Variants in CAMK2B observed in about 807,000 individuals in gnomAD.
CAMK2B encodes the protein calcium/calmodulin dependent protein kinase II beta.
Under a neutral mutation model 93.7 loss-of-function variants are expected in CAMK2B, and 27 were observed. The ratio of observed to expected loss-of-function variants is 0.29; its 90% CI spans 0.21 to 0.40. The LOEUF (loss-of-function observed/expected upper bound fraction) is 0.40, where lower values mean the gene tolerates loss of function less well. CAMK2B is among the 10% of genes least tolerant of loss of function. CAMK2B has a pLI of 1.00. For synonymous variants in CAMK2B, 374 were observed against 358.8 expected (o/e 1.04, Z -0.48); for missense variants, 568 against 895.8 (o/e 0.63, Z 4.67).
chr7:44,228,807 A>T lies in CAMK2B; in HGVS notation c.1457T>A (p.Leu486Gln). The T allele has an allele frequency of 6.6e-7, 1 of 1,505,930 alleles. No individual in the cohort carries two copies. The highest frequency in any genetic ancestry group is 1.3e-5 in the South Asian group (1 of 75,076). The allele number at this position is 1,505,930 out of a possible 1,614,324, so 93.3% of individuals were successfully genotyped here. A position where few individuals can be genotyped will look rare whatever the true frequency, so the allele number is the denominator to read the frequency against. Residue 486 changes from leucine (L) to glutamine (Q), a missense_variant, in exon 19 of 24, where the codon CTG becomes CAG. This residue lies in a region of CAMK2B where 308 missense variants were observed against 292.1 expected (regional missense o/e 1.05). Transcript: ENST00000395749. ...GGGCCACTACTTACACGGGGAGGAC[A>T]GGGGGCCTAGGAGAGCCGGAGACAG... ...PCLSPALLGP[L>Q]SSPSPRISDI...
chr7:44,232,570 G>A lies in CAMK2B; in HGVS notation c.1176+252C>T, dbSNP rs370742868. 2.0e-3 allele frequency among the ~76,000 whole-genome samples: 305 copies of A among 152,320 alleles called. 2 individuals are homozygous for A. The highest frequency in any genetic ancestry group is 6.9e-3 in the African/African-American group (285 of 41,558). On this transcript the variant is annotated intron_variant, in intron 16 of 23. Transcript: ENST00000395749. ...CGTAGGTGGGACACGCAGAGCCCTGGTCTGAGAGTGTCGGCCACATGGGGA... is the reference window on the plus strand; with the variant it reads ...CGTAGGTGGGACACGCAGAGCCCTGATCTGAGAGTGTCGGCCACATGGGGA...
At chr7:44,231,244 C>T (rs979640688) in intron 16 of CAMK2B, among the ~76,000 whole-genome samples, 190 bp from the exon 17 acceptor site, 4 of 152,198 alleles carry the variant, frequency 2.6e-5, no homozygotes, top group Non-Finnish European at 5.9e-5. Flanking sequence ...GGCTGCAGGG[C>T]CCCAGCTCTG....
At chr7:44,274,733 G>A (rs1038348438) in intron 2 of CAMK2B, among the ~76,000 whole-genome samples, 1 of 152,240 alleles carries the variant, frequency 6.6e-6, no homozygotes, top group African/African-American at 2.4e-5. Context: ...GGCCTGGAGG[G>A]AGCAAGGGGC....
intron 13 of CAMK2B, 123 bp downstream of exon 13, chr7:44,239,466 C>G (rs996552804): frequency 9.8e-5 from 80 of 817,868 alleles, no homozygotes; most frequent in Non-Finnish European, 1.5e-4. Flanking sequence ...CAGGGGCTCC[C>G]GGGGGCCTGG....
At chr7:44,319,061 T>G (rs1795450412) in intron 1 of CAMK2B, among the ~76,000 whole-genome samples, 1 of 152,230 alleles carries the variant, frequency 6.6e-6, no homozygotes, top group African/African-American at 2.4e-5. Flanking sequence ...ATATGATAAT[T>G]TTTTAAAAAC....
chr7:44,237,518 C>T (rs1422594651), intron 13 of CAMK2B, among the ~76,000 whole-genome samples: 1 of 152,350 alleles, frequency 6.6e-6, no homozygotes, highest in African/African-American at 2.4e-5. Context: ...AAAACAATCG[C>T]TTGTGCACGC....
intron 1 of CAMK2B, among the ~76,000 whole-genome samples, chr7:44,297,201 G>A (rs1242990298): frequency 1.3e-5 from 2 of 152,132 alleles, no homozygotes; most frequent in South Asian, 2.1e-4. Flanking sequence ...CACTACATGC[G>A]AAATGGTGTA....
In CAMK2B at chr7:44,224,392, G is replaced by T. The variant is rs974828066; in HGVS notation, c.1597+2124C>A. Among the ~76,000 whole-genome samples the T allele has an allele frequency of 6.6e-6, 1 of 152,228 alleles. No homozygotes were observed. The highest frequency in any genetic ancestry group is 1.9e-4 in the East Asian group (1 of 5,194). ...GGGGGCCCAACATGAAGAGGTGCCC[G>T]GGTCGGGAAACCTGCTGGCTGAGGA... On this transcript the variant is annotated intron_variant, in intron 20 of 23. Transcript: ENST00000395749. This position sits in a 1 kb window ranked among gnomAD's most constrained non-coding sequence, Gnocchi z 4.4.
intron 1 of CAMK2B, among the ~76,000 whole-genome samples, chr7:44,284,806 C>G (rs1337810294): frequency 6.6e-6 from 1 of 152,146 alleles, no homozygotes; most frequent in Non-Finnish European, 1.5e-5. Context: ...CATCCTTAAA[C>G]TGAAAAGCTG....
Position 44,243,234 on chromosome 7 carries a change from T to G in CAMK2B, c.601+16A>C. 6.8e-6 allele frequency: 11 copies of G among 1,605,974 alleles called. No individual in the cohort carries two copies. The highest frequency in any genetic ancestry group is 9.4e-6 in the Non-Finnish European group (11 of 1,172,964). ...ACCCGAGGCCCTGCCCCGCACCAAC[T>G]CAGGCCAGGCCTCACCACATGCCCA... On this transcript the variant is annotated intron_variant, in intron 8 of 23. Transcript: ENST00000395749.
rs905003339 is a variant in CAMK2B, at chr7:44,248,506, G to A, written c.342-1314C>T. Among the ~76,000 whole-genome samples the A allele has an allele frequency of 1.3e-5, 2 of 152,178 alleles. No homozygotes were observed. The highest frequency in any genetic ancestry group is 2.9e-5 in the Non-Finnish European group (2 of 68,032). On this transcript the variant is annotated intron_variant, in intron 5 of 23. Coordinates refer to ENST00000395749, the MANE Select transcript of CAMK2B (RefSeq NM_001220.5). The surrounding 1 kb of genome is among the most constrained non-coding windows in gnomAD (Gnocchi z 4.1). ...GCTGGGCCTGGAGGCATTTGCCACA[G>A]GCTGCCGATGCCCACCTGCCTGGGG...
intron 1 of CAMK2B, among the ~76,000 whole-genome samples, chr7:44,285,869 G>A (rs1247736915): frequency 3.1e-5 from 3 of 97,904 alleles, no homozygotes; most frequent in Admixed American, 2.0e-4. Flanking sequence ...TGGGGGGCGC[G>A]GCGGGGGGGC....
At position 44,241,781 on chromosome 7, in the gene CAMK2B, T is replaced by C; in HGVS notation, c.822A>G (p.Gln274=). 6.2e-7 allele frequency: 1 copy of C among 1,612,834 alleles called. No individual in the cohort carries two copies. Among genetic ancestry groups the C allele is most frequent in the Non-Finnish European group, 8.5e-7 (1 of 1,179,234 alleles). ...HEALKHPWVC[Q]RSTVASMMHR... ...GCATCATGGATGCTACCGTGGAGCGTTGCTGTGGGGAAATGGGTGGTCATA... is the reference window on the plus strand; with the variant it reads ...GCATCATGGATGCTACCGTGGAGCGCTGCTGTGGGGAAATGGGTGGTCATA... The change falls in exon 11 of 24, where the codon CAA becomes CAG. Residue 274 remains glutamine (Q), a splice_region_variant and synonymous_variant. Coordinates refer to ENST00000395749, the MANE Select transcript of CAMK2B (RefSeq NM_001220.5).
intron 1 of CAMK2B, among the ~76,000 whole-genome samples, chr7:44,316,351 C>A (rs1794830896): frequency 6.6e-6 from 1 of 152,102 alleles, no homozygotes; most frequent in Middle Eastern, 3.4e-3. Flanking sequence ...GCTGAATGAA[C>A]CTTTCATTCT....
At chr7:44,251,329 G>T (rs948863607) in intron 5 of CAMK2B, among the ~76,000 whole-genome samples, 1 of 152,150 alleles carries the variant, frequency 6.6e-6, no homozygotes. Context: ...TGTTGGGTAG[G>T]GGCCCACGGG....
intron 20 of CAMK2B, among the ~76,000 whole-genome samples, chr7:44,223,010 CAT>C (rs1159216410): frequency 6.6e-6 from 1 of 152,206 alleles, no homozygotes; most frequent in Non-Finnish European, 1.5e-5. Flanking sequence ...GGGGTGCACA[CAT>C]GTTCATGTAT....
chr7:44,221,442 C>T (rs1451483508), intron 20 of CAMK2B, among the ~76,000 whole-genome samples: 1 of 149,844 alleles, frequency 6.7e-6, no homozygotes, highest in Admixed American at 6.6e-5. Context: ...GAGAAGGAGC[C>T]GTCAGCAAGG....
chr7:44,288,093 G>T (rs1785637571), intron 1 of CAMK2B, among the ~76,000 whole-genome samples: 1 of 152,172 alleles, frequency 6.6e-6, no homozygotes, highest in East Asian at 1.9e-4. Flanking sequence ...GTCCCAGCAG[G>T]AGGGGAGACC....
At chr7:44,229,533 G>A in intron 17 of CAMK2B, 32 bp from the exon 18 acceptor site, 1 of 1,157,562 alleles carries the variant, frequency 8.6e-7, no homozygotes, top group Non-Finnish European at 1.2e-6. Flanking sequence ...AGGCAGGTGG[G>A]TGGTGCGCCC....
Sources: gnomAD v4.1 joint callset for allele counts (sites outside exome capture counted in the v4.1 genomes callset) on GRCh38, gnomAD v4.1.1 for gene constraint, gnomAD v4.1.1 regional missense constraint, Gnocchi (gnomAD v3.1) non-coding constraint, MANE v1.5 for transcripts, NCBI Gene and HGNC (gene_info 2026-07-23, HGNC 2026-07-21) for gene names.